The following ZCCHC14 variants were observed in gnomAD, a reference collection of about 807,000 sequenced individuals.
ZCCHC14 encodes the protein zinc finger CCHC-type containing 14, also known as zinc finger CCHC domain-containing protein 14.
A neutral mutation model predicts 85.0 loss-of-function variants in ZCCHC14; 16 were observed. That is an observed-to-expected ratio of 0.19 (90% confidence interval 0.13 to 0.29). The LOEUF (loss-of-function observed/expected upper bound fraction) is 0.29, where lower values mean the gene tolerates loss of function less well. Ranked by LOEUF, ZCCHC14 falls within the 10% of genes least tolerant of loss-of-function variation. The probability of loss-of-function intolerance (pLI) is 1.00; values close to 1 mark genes in which losing one functional copy is unlikely to be tolerated. For synonymous variants in ZCCHC14, 775 were observed against 630.7 expected (o/e 1.23, Z -3.43); for missense variants, 1,303 against 1,443.5 (o/e 0.90, Z 1.58).
At chr16:87,430,746 TCCTGACCCCA>T (rs997971285) in intron 3 of ZCCHC14, among the ~76,000 whole-genome samples, 1 of 150,872 alleles carries the variant, frequency 6.6e-6, no homozygotes, top group Non-Finnish European at 1.5e-5. Context: ...GGTCTTGAAC[TCCTGACCCCA>T]AGTGATCCAC....
At chr16:87,488,777 T>G (rs1424018599) in intron 1 of ZCCHC14, among the ~76,000 whole-genome samples, 1 of 152,126 alleles carries the variant, frequency 6.6e-6, no homozygotes, top group Non-Finnish European at 1.5e-5. Context: ...AGGGTTTTGC[T>G]GTGTTGCCCA....
intron 1 of ZCCHC14, among the ~76,000 whole-genome samples, chr16:87,482,844 TATAAAA>T (rs1305896007): frequency 2.0e-5 from 3 of 152,112 alleles, no homozygotes; most frequent in African/African-American, 7.2e-5. Flanking sequence ...ATCCGTTTGA[TATAAAA>T]AGAGAATGAC....
intron 1 of ZCCHC14, among the ~76,000 whole-genome samples, chr16:87,465,101 A>T (rs980713254): frequency 1.3e-5 from 2 of 152,214 alleles, no homozygotes; most frequent in Non-Finnish European, 2.9e-5. Context: ...CAGCAGTCAC[A>T]TCTGCCTGGG....
rs535322983 is a variant in ZCCHC14, at chr16:87,451,444, C to G, written c.694+8564G>C. Among the ~76,000 whole-genome samples, 5 of 151,880 alleles carry G rather than the reference C, an allele frequency of 3.3e-5. No homozygotes were observed. The South Asian group carries it at 1.0e-3, about 32-fold the overall frequency. ...AACTCCTGACCTCAGGTGATCCACC[C>G]AACTCAGCCTCCCAAAGTGCTGGGA... is the stretch of plus-strand genomic sequence containing the variant. On this transcript the variant is annotated intron_variant, in intron 2 of 12. Coordinates refer to ENST00000671377, the MANE Select transcript of ZCCHC14 (RefSeq NM_015144.3).
At chr16:87,487,162 C>T (rs1270447459) in intron 1 of ZCCHC14, among the ~76,000 whole-genome samples, 1 of 152,194 alleles carries the variant, frequency 6.6e-6, no homozygotes, top group Non-Finnish European at 1.5e-5. Context: ...TCTGAAGTTT[C>T]CACAGTGCTT....
Position 87,491,379 on chromosome 16 carries a change from G to A in ZCCHC14, c.570+290C>T, listed in dbSNP as rs1034580326. ...CTTAGGGTGAGGAGTGCGGGCTTAG[G>A]ATGGGGGCTTGGGATGTACGGCGGA... is the stretch of plus-strand genomic sequence containing the variant. On this transcript the variant is annotated intron_variant, in intron 1 of 12. Transcript: ENST00000671377. This position sits in a 1 kb window ranked among gnomAD's most constrained non-coding sequence, Gnocchi z 5.9. 6.6e-6 allele frequency among the ~76,000 whole-genome samples: 1 copy of A among 152,216 alleles called. No homozygotes were observed. Among genetic ancestry groups the A allele is most frequent in the Non-Finnish European group, 1.5e-5 (1 of 68,046 alleles).
intron 2 of ZCCHC14, among the ~76,000 whole-genome samples, chr16:87,440,038 C>A (rs1051159492): frequency 9.9e-5 from 15 of 152,114 alleles, no homozygotes; most frequent in African/African-American, 3.6e-4. Flanking sequence ...AACTCCAGGG[C>A]TCCAGCAATC....
chr16:87,490,937 G>A (rs566093655), intron 1 of ZCCHC14, among the ~76,000 whole-genome samples: 1 of 152,352 alleles, frequency 6.6e-6, no homozygotes, highest in East Asian at 1.9e-4. Flanking sequence ...GCCCCAAGCA[G>A]GGCCTCCACC....
At chr16:87,449,623 G>A (rs1282869537) in intron 2 of ZCCHC14, among the ~76,000 whole-genome samples, 1 of 152,020 alleles carries the variant, frequency 6.6e-6, no homozygotes, top group Non-Finnish European at 1.5e-5. Flanking sequence ...TGCTTTCAAG[G>A]TATCTTTATT....
intron 1 of ZCCHC14, among the ~76,000 whole-genome samples, chr16:87,477,641 T>C (rs1274948309): frequency 6.6e-6 from 1 of 152,216 alleles, no homozygotes; most frequent in East Asian, 1.9e-4. Flanking sequence ...CTGTGTCTGT[T>C]TTCTTATTGC....
Position 87,493,014 on chromosome 16 carries a change from TCAG to T in ZCCHC14, c.-779_-777del, listed in dbSNP as rs1912855998. On this transcript the variant is annotated 5_prime_UTR_variant, in exon 1 of 13. Transcript: ENST00000671377. ...GCTCGCGGCTGACGGGCGGCCGGGA[TCAG>T]CAGAAGTGGGCGGGGTGGCCGCCTC... 6.6e-6 allele frequency among the ~76,000 whole-genome samples: 1 copy of T among 151,796 alleles called. No individual in the cohort carries two copies. The highest frequency in any genetic ancestry group is 1.5e-5 in the Non-Finnish European group (1 of 67,908).
At chr16:87,488,532 A>G (rs576809875) in intron 1 of ZCCHC14, among the ~76,000 whole-genome samples, 64 of 152,356 alleles carry the variant, frequency 4.2e-4, no homozygotes, top group African/African-American at 1.5e-3. Flanking sequence ...GATTTGGACA[A>G]GGAATTGCAA....
Position 87,412,982 on chromosome 16 carries a change from G to A in ZCCHC14, c.1745-6C>T, listed in dbSNP as rs758730498. ...CTCCAAGTGAATCTCCACACCTAGA[G>A]AGGGAAACAAGAGTGGTCAGTGCCA... On this transcript the variant is annotated splice_region_variant and splice_polypyrimidine_tract_variant and intron_variant, in intron 11 of 12. Coordinates refer to ENST00000671377, the MANE Select transcript of ZCCHC14 (RefSeq NM_015144.3). The A allele has an allele frequency of 1.2e-6, 2 of 1,613,228 alleles. No individual in the cohort carries two copies. Among genetic ancestry groups the A allele is most frequent in the Non-Finnish European group, 1.7e-6 (2 of 1,179,570 alleles).
chr16:87,467,363 G>A (rs1225922194), intron 1 of ZCCHC14: 2 of 1,597,650 alleles, frequency 1.3e-6, no homozygotes, highest in Non-Finnish European at 1.7e-6. Context: ...GCACCCCTGG[G>A]GTAATTAAGC....
chr16:87,429,797 G>C (rs1043735849), intron 3 of ZCCHC14, among the ~76,000 whole-genome samples: 1 of 152,224 alleles, frequency 6.6e-6, no homozygotes, highest in Non-Finnish European at 1.5e-5. Flanking sequence ...ACTAGAGAGA[G>C]GGTTTTGCCA....
chr16:87,407,800 C>T lies in ZCCHC14; in HGVS notation c.*2480G>A, dbSNP rs1466995445. The T allele has an allele frequency of 2.6e-5, 4 of 152,526 alleles. No homozygotes were observed. Among genetic ancestry groups the T allele is most frequent in the African/African-American group, 4.8e-5 (2 of 41,454 alleles). 9.4% of individuals were successfully genotyped at this position (152,526 alleles called of 1,614,324 possible). On this transcript the variant is annotated 3_prime_UTR_variant, in exon 13 of 13. Coordinates refer to ENST00000671377, the MANE Select transcript of ZCCHC14 (RefSeq NM_015144.3). The stretch of plus-strand genomic sequence containing the variant: ...TGATGACCGCAAAACGCTCTTCAGA[C>T]GCGCCGACCTTGGTGGCTTTTGGAG...
intron 2 of ZCCHC14, among the ~76,000 whole-genome samples, chr16:87,459,053 G>A (rs1398034574): frequency 6.6e-6 from 1 of 152,204 alleles, no homozygotes; most frequent in Non-Finnish European, 1.5e-5. Context: ...CAACTTTGCA[G>A]CTGATCATAA....
intron 2 of ZCCHC14, among the ~76,000 whole-genome samples, chr16:87,437,841 T>C (rs1215360500): frequency 1.3e-5 from 2 of 152,218 alleles, no homozygotes; most frequent in African/African-American, 2.4e-5. Context: ...TACTCTAACG[T>C]AGCAACTGAA....
At chr16:87,455,573 T>A (rs1397255878) in intron 2 of ZCCHC14, among the ~76,000 whole-genome samples, 1 of 152,148 alleles carries the variant, frequency 6.6e-6, no homozygotes, top group Non-Finnish European at 1.5e-5. Flanking sequence ...TCTAATCACA[T>A]TTTCTTCAGG....
Sources: gnomAD v4.1 joint callset for allele counts (sites outside exome capture counted in the v4.1 genomes callset) on GRCh38, gnomAD v4.1.1 for gene constraint, Gnocchi (gnomAD v3.1) non-coding constraint, MANE v1.5 for transcripts, NCBI Gene and HGNC (gene_info 2026-07-23, HGNC 2026-07-21) for gene names.